Variants in SERGEF observed in about 807,000 individuals in gnomAD.
The protein encoded by SERGEF is secretion regulating guanine nucleotide exchange factor, also known as secretion-regulating guanine nucleotide exchange factor.
Under a neutral mutation model 50.0 loss-of-function variants are expected in SERGEF, and 51 were observed. That is an observed-to-expected ratio of 1.02 (90% CI 0.81 to 1.29). The LOEUF (loss-of-function observed/expected upper bound fraction) is 1.29, where lower values mean the gene tolerates loss of function less well. Ranked by LOEUF, SERGEF falls within the 50% of genes most tolerant of loss-of-function variation. The pLI is 0.00. For synonymous variants in SERGEF, 205 were observed against 212.4 expected (o/e 0.97, Z 0.30); for missense variants, 521 against 557.0 (o/e 0.94, Z 0.65).
chr11:17,817,773 A>G (rs1850006320), intron 10 of SERGEF, among the ~76,000 whole-genome samples: 1 of 152,206 alleles, frequency 6.6e-6, no homozygotes, highest in African/African-American at 2.4e-5. Context: ...CACTCTGCTA[A>G]GATCACATAG....
At chr11:17,838,680 T>A (rs780514977) in intron 10 of SERGEF, among the ~76,000 whole-genome samples, 2 of 152,136 alleles carry the variant, frequency 1.3e-5, no homozygotes, top group Non-Finnish European at 2.9e-5. Context: ...GTAAAACCGA[T>A]AATAATAAAA....
chr11:17,893,226 A>C (rs898308833), intron 9 of SERGEF, among the ~76,000 whole-genome samples: 1 of 152,302 alleles, frequency 6.6e-6, no homozygotes, highest in East Asian at 1.9e-4. Flanking sequence ...TGACTTTTTT[A>C]AATAGATGAG....
intron 10 of SERGEF, among the ~76,000 whole-genome samples, chr11:17,859,162 T>C (rs1415909907): frequency 1.3e-5 from 2 of 151,290 alleles, no homozygotes; most frequent in Non-Finnish European, 2.9e-5. Context: ...AACAAAGAAA[T>C]AGAAAATTAA....
intron 10 of SERGEF, among the ~76,000 whole-genome samples, chr11:17,818,050 T>C (rs1850011246): frequency 6.6e-6 from 1 of 152,212 alleles, no homozygotes; most frequent in Non-Finnish European, 1.5e-5. Flanking sequence ...GACTTGAGGA[T>C]TGGGAGAGCC....
intron 9 of SERGEF, among the ~76,000 whole-genome samples, chr11:17,883,493 C>CA (rs1390916350): frequency 6.6e-6 from 1 of 152,198 alleles, no homozygotes; most frequent in African/African-American, 2.4e-5. Flanking sequence ...TAGACTTACA[C>CA]AAAACCTAAG....
At chr11:17,963,683 A>G (rs1017981619) in intron 8 of SERGEF, among the ~76,000 whole-genome samples, 5 of 152,128 alleles carry the variant, frequency 3.3e-5, no homozygotes, top group African/African-American at 9.7e-5. Flanking sequence ...AACACGCCTG[A>G]CGTCTATTAG....
chr11:17,788,526 A>G, intron 10 of SERGEF, 113 bp from the exon 11 acceptor site: 1 of 892,822 alleles, frequency 1.1e-6, no homozygotes. Flanking sequence ...GGAAGACGCC[A>G]AAGCTTAAGG....
At chr11:17,899,758 G>T (rs1287054133) in intron 9 of SERGEF, among the ~76,000 whole-genome samples, 1 of 151,904 alleles carries the variant, frequency 6.6e-6, no homozygotes, top group Non-Finnish European at 1.5e-5. Context: ...TTCAAGACCA[G>T]CCAGGACAAC....
At chr11:17,937,140 CTAATA>C (rs1420593104) in intron 9 of SERGEF, among the ~76,000 whole-genome samples, 6 of 151,666 alleles carry the variant, frequency 4.0e-5, no homozygotes, top group African/African-American at 4.8e-5. Context: ...ATAAATGTTC[CTAATA>C]TAATTGTAGG....
At chr11:17,977,767 C>T (rs1853408615) in intron 8 of SERGEF, among the ~76,000 whole-genome samples, 1 of 152,130 alleles carries the variant, frequency 6.6e-6, no homozygotes. Flanking sequence ...CCAGAGAGCT[C>T]CTTTACTTCT....
chr11:17,881,007 C>T (rs1851324379), intron 9 of SERGEF, among the ~76,000 whole-genome samples: 1 of 152,136 alleles, frequency 6.6e-6, no homozygotes, highest in African/African-American at 2.4e-5. Context: ...TTTTAGTCAT[C>T]ACAACAATCT....
chr11:17,940,233 C>T (rs1434005946), intron 9 of SERGEF, among the ~76,000 whole-genome samples: 2 of 152,238 alleles, frequency 1.3e-5, no homozygotes, highest in South Asian at 2.1e-4. Context: ...CCACCTTGCA[C>T]TCTAAACATT....
intron 10 of SERGEF, among the ~76,000 whole-genome samples, chr11:17,861,545 T>C (rs967311974): frequency 3.3e-5 from 5 of 152,258 alleles, no homozygotes; most frequent in Non-Finnish European, 5.9e-5. Context: ...CTCTGAGAAC[T>C]TCAGAGTTAC....
chr11:17,918,479 T>A (rs1454116566), intron 9 of SERGEF, among the ~76,000 whole-genome samples: 1 of 152,152 alleles, frequency 6.6e-6, no homozygotes, highest in African/African-American at 2.4e-5. Flanking sequence ...CCTCCCCAGA[T>A]GTCATGGCCT....
chr11:17,863,936 T>G (rs1395445066), intron 10 of SERGEF, among the ~76,000 whole-genome samples: 1 of 152,208 alleles, frequency 6.6e-6, no homozygotes, highest in South Asian at 2.1e-4. Flanking sequence ...ACTTTGAGAG[T>G]TGCAGAAGAC....
chr11:17,811,084 T>C (rs1849863112), intron 10 of SERGEF, among the ~76,000 whole-genome samples: 1 of 152,126 alleles, frequency 6.6e-6, no homozygotes, highest in African/African-American at 2.4e-5. Flanking sequence ...TGAGAGAAGA[T>C]TTTTCTTTCA....
chr11:17,871,320 G>T (rs967852470), intron 10 of SERGEF, among the ~76,000 whole-genome samples: 1 of 152,098 alleles, frequency 6.6e-6, no homozygotes, highest in African/African-American at 2.4e-5. Context: ...AATTAGCCGG[G>T]TGTGGTGGCA....
intron 10 of SERGEF, among the ~76,000 whole-genome samples, chr11:17,869,825 C>T (rs1050991132): frequency 8.5e-5 from 13 of 152,160 alleles, no homozygotes; most frequent in Non-Finnish European, 1.5e-4. Context: ...TTCCTAGAGC[C>T]TATGAATATG....
intron 10 of SERGEF, among the ~76,000 whole-genome samples, chr11:17,857,003 C>G (rs1179483446): frequency 6.6e-6 from 1 of 152,150 alleles, no homozygotes; most frequent in Non-Finnish European, 1.5e-5. Flanking sequence ...TGGTTTGGTA[C>G]AAACCTATGC....
Sources: allele counts gnomAD v4.1 joint callset (sites outside exome capture counted in the v4.1 genomes callset), GRCh38; gene constraint gnomAD v4.1.1; transcripts MANE v1.5; gene names NCBI Gene and HGNC (gene_info 2026-07-23, HGNC 2026-07-21).